The following FBXL17 variants were observed in gnomAD, a reference collection of about 807,000 sequenced individuals.
FBXL17 encodes the protein F-box and leucine rich repeat protein 17.
A neutral mutation model predicts 66.2 loss-of-function variants in FBXL17; 22 were observed. That is an observed-to-expected ratio of 0.33 (90% CI 0.24 to 0.47). FBXL17 has a LOEUF of 0.47. Among genes scored for constraint, FBXL17 ranks in the 20% least tolerant of loss-of-function variants. The pLI is 1.00. For missense variants in FBXL17, 878 were observed against 948.2 expected (o/e 0.93, Z 0.97); for synonymous variants, 474 against 400.5 (o/e 1.18, Z -2.19).
intron 1 of FBXL17, among the ~76,000 whole-genome samples, chr5:108,374,749 C>T (rs1228373033): frequency 2.0e-5 from 3 of 151,964 alleles, no homozygotes; most frequent in African/African-American, 7.3e-5. Context: ...AGGAGGAAAT[C>T]TGGAAATTTC....
Position 108,009,263 on chromosome 5 carries a change from ATATATATATATATAT to A in FBXL17, c.1822+11647_1822+11661del, listed in dbSNP as rs1561365184. On this transcript the variant is annotated intron_variant, in intron 7 of 8. Coordinates refer to ENST00000542267, the MANE Select transcript of FBXL17 (RefSeq NM_001163315.3). ...TTGGTCGTGAGTTGTTCCCTGTTTT[ATATATATATATATAT>A]ATATATATATATATATATATATACA... 9.3e-4 allele frequency among the ~76,000 whole-genome samples: 34 copies of A among 36,432 alleles called. 8 individuals carry two copies. The highest frequency in any genetic ancestry group is 4.0e-3 in the African/African-American group (32 of 8,028). The allele number at this position is 36,432 out of a possible 152,430, so 23.9% of individuals were successfully genotyped here. A position where few individuals can be genotyped will look rare whatever the true frequency, so the allele number is the denominator to read the frequency against.
At chr5:108,345,158 C>T (rs539928120) in intron 4 of FBXL17, among the ~76,000 whole-genome samples, 8 of 151,640 alleles carry the variant, frequency 5.3e-5, no homozygotes, top group South Asian at 4.2e-4. Flanking sequence ...CATGGTGAAA[C>T]GCCATCTCTA....
chr5:108,181,677 T>C (rs1753007897), intron 6 of FBXL17, among the ~76,000 whole-genome samples: 1 of 152,190 alleles, frequency 6.6e-6, no homozygotes, highest in Non-Finnish European at 1.5e-5. Flanking sequence ...AGAAATCCTT[T>C]ATTAAAACTA....
At chr5:108,094,881 A>T (rs956223395) in intron 6 of FBXL17, among the ~76,000 whole-genome samples, 2 of 151,962 alleles carry the variant, frequency 1.3e-5, no homozygotes, top group African/African-American at 4.8e-5. Flanking sequence ...ATGCAAAAAA[A>T]AAAAATAAAT....
chr5:108,330,614 A>G (rs1280393734), intron 4 of FBXL17, among the ~76,000 whole-genome samples: 1 of 152,186 alleles, frequency 6.6e-6, no homozygotes, highest in Non-Finnish European at 1.5e-5. Context: ...GTATAGTCGC[A>G]ATATAAAGTA....
chr5:108,019,619 G>GTA, intron 7 of FBXL17, among the ~76,000 whole-genome samples: 1 of 151,770 alleles, frequency 6.6e-6, no homozygotes, highest in Non-Finnish European at 1.5e-5. Flanking sequence ...ATCTACATGG[G>GTA]TATATATACA....
Position 108,143,908 on chromosome 5 carries a change from A to G in FBXL17, c.1745+42209T>C, listed in dbSNP as rs563797876. 1.5e-3 allele frequency among the ~76,000 whole-genome samples: 225 copies of G among 152,178 alleles called. 1 individual carries two copies. Among genetic ancestry groups the G allele is most frequent in the African/African-American group, 5.2e-3 (218 of 41,530 alleles). ...TCTATGTCCCAGTAAGCTGGTAGAGATTTTGATTTAAAAAACAAAACAAAA... is the reference window on the plus strand; with the variant it reads ...TCTATGTCCCAGTAAGCTGGTAGAGGTTTTGATTTAAAAAACAAAACAAAA... On this transcript the variant is annotated intron_variant, in intron 6 of 8. Transcript: ENST00000542267.
chr5:108,066,304 A>G (rs941603218), intron 6 of FBXL17, among the ~76,000 whole-genome samples: 1 of 152,168 alleles, frequency 6.6e-6, no homozygotes, highest in Non-Finnish European at 1.5e-5. Flanking sequence ...TACAACAACT[A>G]TTAATATTCA....
rs533280101 is a variant in FBXL17, at chr5:108,058,948, A to C, written c.1746-37947T>G. 6.6e-5 allele frequency among the ~76,000 whole-genome samples: 10 copies of C among 152,292 alleles called. No homozygotes were observed. The South Asian group carries it at 2.1e-3, about 32-fold the overall frequency. On this transcript the variant is annotated intron_variant, in intron 6 of 8. Coordinates refer to ENST00000542267, the MANE Select transcript of FBXL17 (RefSeq NM_001163315.3). ...AGAGCCCAAATCATCATTTCCCAGAATGTAGAGACTTTCTGCACAAAACAG... is the reference window on the plus strand; with the variant it reads ...AGAGCCCAAATCATCATTTCCCAGACTGTAGAGACTTTCTGCACAAAACAG...
At chr5:108,174,435 G>C (rs1051028111) in intron 6 of FBXL17, among the ~76,000 whole-genome samples, 1 of 152,012 alleles carries the variant, frequency 6.6e-6, no homozygotes, top group Non-Finnish European at 1.5e-5. Context: ...AAACAGAAAA[G>C]CAATTAGCCT....
intron 4 of FBXL17, among the ~76,000 whole-genome samples, chr5:108,309,702 G>GA (rs893450728): frequency 6.6e-6 from 1 of 151,812 alleles, no homozygotes; most frequent in Non-Finnish European, 1.5e-5. Context: ...CATTTACACA[G>GA]AAAAAAACTG....
chr5:108,328,458 T>C (rs1289689707), intron 4 of FBXL17, among the ~76,000 whole-genome samples: 1 of 152,018 alleles, frequency 6.6e-6, no homozygotes, highest in Non-Finnish European at 1.5e-5. Context: ...ATTCTTCTGA[T>C]AGAAAACCAT....
chr5:108,377,586 T>A (rs182045128), intron 1 of FBXL17, among the ~76,000 whole-genome samples: 1 of 152,254 alleles, frequency 6.6e-6, no homozygotes, highest in Non-Finnish European at 1.5e-5. Context: ...CCTGAAGATC[T>A]AACAGTTTTC....
chr5:107,933,994 T>C (rs1750814972), intron 7 of FBXL17, among the ~76,000 whole-genome samples: 1 of 152,146 alleles, frequency 6.6e-6, no homozygotes, highest in Non-Finnish European at 1.5e-5. Flanking sequence ...GCATTATTAC[T>C]GTACTGCCAT....
intron 6 of FBXL17, among the ~76,000 whole-genome samples, chr5:108,093,530 G>T (rs1226946611): frequency 2.0e-5 from 3 of 152,006 alleles, no homozygotes; most frequent in African/African-American, 7.3e-5. Context: ...AGCTGAAAAG[G>T]TAATTTACAC....
chr5:108,148,032 A>C (rs1208426226), intron 6 of FBXL17, among the ~76,000 whole-genome samples: 1 of 152,182 alleles, frequency 6.6e-6, no homozygotes, highest in Non-Finnish European at 1.5e-5. Context: ...AAAATTCTAA[A>C]GAACACAATG....
chr5:107,979,711 C>T (rs10037490), intron 7 of FBXL17, among the ~76,000 whole-genome samples: 19,681 of 152,066 alleles, frequency 0.13, 1,440 homozygotes, highest in East Asian at 0.2. Flanking sequence ...ATTTCTATTA[C>T]GGGGCTAACA....
chr5:107,881,927 C>G (rs1461993103), intron 7 of FBXL17, among the ~76,000 whole-genome samples: 2 of 152,154 alleles, frequency 1.3e-5, no homozygotes, highest in African/African-American at 4.8e-5. Context: ...GACACTTATC[C>G]CATAATCTAT....
chr5:108,348,305 C>A, intron 4 of FBXL17, 94 bp downstream of exon 4: 3 of 1,199,814 alleles, frequency 2.5e-6, no homozygotes, highest in South Asian at 1.9e-5. Flanking sequence ...TGAACCATCA[C>A]AAGAAAATAA....
Sources: allele counts gnomAD v4.1 joint callset (sites outside exome capture counted in the v4.1 genomes callset), GRCh38; gene constraint gnomAD v4.1.1; transcripts MANE v1.5; gene names NCBI Gene and HGNC (gene_info 2026-07-23, HGNC 2026-07-21).